HACD2: variants seen among roughly 807,000 people sequenced by gnomAD.
HACD2 encodes very-long-chain (3R)-3-hydroxyacyl-CoA dehydratase 2.
In HACD2, 15 loss-of-function variants were observed where a neutral mutation model predicts 31.0. The observed-to-expected ratio is 0.48, with a 90% CI of 0.32 to 0.75. The LOEUF (loss-of-function observed/expected upper bound fraction) is 0.75. Ranked by LOEUF, HACD2 falls within the 30% of genes least tolerant of loss-of-function variation. The probability of loss-of-function intolerance (pLI) is 0.03; values close to 1 mark genes in which losing one functional copy is unlikely to be tolerated. For missense variants in HACD2, 283 were observed against 313.0 expected, an observed-to-expected ratio of 0.90 and a Z score of 0.72; for synonymous variants, 115 against 122.2, an observed-to-expected ratio of 0.94 and a Z score of 0.39.
intron 2 of HACD2, among the ~76,000 whole-genome samples, chr3:123,572,687 T>C (rs1203089690): frequency 6.6e-6 from 1 of 152,292 alleles, no homozygotes; most frequent in South Asian, 2.1e-4. Context: ...CTAGGGGAAT[T>C]ATTTTTGTAG....
Position 123,563,638 on chromosome 3 carries a change from TATATATACACACACAC to T in HACD2, c.292+4108_292+4123del, listed in dbSNP as rs1359880895. ...CTTCTTTTTTGAATTGACAAAAAAA[TATATATACACACACAC>T]ACACACACACACACACACACACACA... On this transcript the variant is annotated intron_variant, in intron 3 of 6. Coordinates refer to ENST00000383657, the MANE Select transcript of HACD2 (RefSeq NM_198402.5). Among the ~76,000 whole-genome samples the T allele has an allele frequency of 6.5e-5, 5 of 76,702 alleles. No individual in the cohort carries two copies. The South Asian group carries it at 1.4e-3, about 21-fold the overall frequency. 50.3% of individuals were successfully genotyped at this position (76,702 alleles called of 152,430 possible). A position where few individuals can be genotyped will look rare whatever the true frequency, so the allele number is the denominator to read the frequency against.
intron 3 of HACD2, among the ~76,000 whole-genome samples, chr3:123,559,896 G>A (rs992336578): frequency 4.6e-5 from 7 of 152,166 alleles, no homozygotes; most frequent in African/African-American, 1.7e-4. Context: ...AAAGTGCGAG[G>A]TACCAGGTGG....
At chr3:123,522,764 G>A (rs1299628349) in intron 4 of HACD2, among the ~76,000 whole-genome samples, 1 of 152,010 alleles carries the variant, frequency 6.6e-6, no homozygotes, top group East Asian at 1.9e-4. Flanking sequence ...AAATGGAGTA[G>A]GGTGGAGGAT....
chr3:123,495,063 T>C (rs991986906), intron 6 of HACD2, 93 bp from the exon 7 acceptor site: 90 of 755,366 alleles, frequency 1.2e-4, no homozygotes, highest in Non-Finnish European at 1.7e-4. Flanking sequence ...TCTGACCCTC[T>C]GACTAATTTC....
intron 2 of HACD2, among the ~76,000 whole-genome samples, chr3:123,578,414 G>T (rs2056930861): frequency 6.6e-6 from 1 of 152,142 alleles, no homozygotes; most frequent in Admixed American, 6.5e-5. Context: ...GGGACTACAG[G>T]CATGTGCTAC....
At chr3:123,570,149 C>T (rs909726169) in intron 2 of HACD2, among the ~76,000 whole-genome samples, 11 of 152,150 alleles carry the variant, frequency 7.2e-5, no homozygotes, top group Admixed American at 3.3e-4. Flanking sequence ...TGCACTCTCC[C>T]CTTTTTAATC....
intron 3 of HACD2, among the ~76,000 whole-genome samples, chr3:123,549,541 A>C (rs960494853): frequency 6.6e-6 from 1 of 152,146 alleles, no homozygotes; most frequent in Non-Finnish European, 1.5e-5. Flanking sequence ...TGAGCTCAGG[A>C]GTTTGAGACC....
At chr3:123,527,011 AT>A (rs1279347002) in intron 4 of HACD2, among the ~76,000 whole-genome samples, 1 of 152,228 alleles carries the variant, frequency 6.6e-6, no homozygotes, top group African/African-American at 2.4e-5. Context: ...TGGACAATTA[AT>A]ATTTGACTAT....
chr3:123,573,993 C>T (rs181549643), intron 2 of HACD2, among the ~76,000 whole-genome samples: 1 of 152,286 alleles, frequency 6.6e-6, no homozygotes, highest in African/African-American at 2.4e-5. Context: ...GTATTCACTG[C>T]ACATAATGAA....
intron 1 of HACD2, chr3:123,584,264 ATT>A (rs1208049788): frequency 6.6e-6 from 1 of 152,236 alleles, no homozygotes; most frequent in Non-Finnish European, 1.5e-5. Context: ...TCGAGGGTCC[ATT>A]CTCCCCCTTT....
At position 123,491,913 on chromosome 3, in the gene HACD2, TTGCA is replaced by T. The variant is rs1245548146; in HGVS notation, c.*2971_*2974del. 1 of 152,284 alleles carries T rather than the reference TTGCA, an allele frequency of 6.6e-6. No homozygotes were observed. Among genetic ancestry groups the T allele is most frequent in the African/African-American group, 2.4e-5 (1 of 41,442 alleles). The allele number at this position is 152,284 out of a possible 1,614,324, so 9.4% of individuals were successfully genotyped here. On this transcript the variant is annotated 3_prime_UTR_variant, in exon 7 of 7. Transcript: ENST00000383657. The stretch of plus-strand genomic sequence containing the variant: ...TCTGAAACTCAGAACTGCAAGTAAT[TTGCA>T]GGTTGTACCATATCAATGCCAACCT...
At chr3:123,543,416 G>T (rs1178766011) in intron 3 of HACD2, among the ~76,000 whole-genome samples, 1 of 149,176 alleles carries the variant, frequency 6.7e-6, no homozygotes, top group Non-Finnish European at 1.5e-5. Context: ...TCAAGGGAAA[G>T]AATCAAAGTA....
chr3:123,537,610 C>CACAT (rs756361560), intron 3 of HACD2, among the ~76,000 whole-genome samples: 1 of 150,614 alleles, frequency 6.6e-6, no homozygotes, highest in Non-Finnish European at 1.5e-5. Flanking sequence ...CACACACACA[C>CACAT]GGTAAAAAAA....
intron 2 of HACD2, among the ~76,000 whole-genome samples, chr3:123,576,567 A>C (rs944133637): frequency 6.6e-6 from 1 of 152,176 alleles, no homozygotes. Context: ...TCTTTTAGAG[A>C]TGTGTTTCCT....
intron 4 of HACD2, among the ~76,000 whole-genome samples, chr3:123,510,989 T>C (rs751934578): frequency 4.8e-4 from 72 of 150,880 alleles, no homozygotes; most frequent in Non-Finnish European, 7.8e-4. Flanking sequence ...TCCTAATGAG[T>C]GTAAAGTGGT....
In HACD2 at chr3:123,510,943, T is replaced by G. The variant is rs199943975; in HGVS notation, c.382-8262A>C. ...TGCTCATTTGCTGTGTTTTTTTTTT[T>G]TGTTTTTTTTTGTTTTTTTTTTTAA... On this transcript the variant is annotated intron_variant, in intron 4 of 6. Transcript: ENST00000383657. 1.2e-4 allele frequency among the ~76,000 whole-genome samples: 17 copies of G among 143,802 alleles called. No individual in the cohort carries two copies. In the East Asian group the frequency reaches 2.2e-3, roughly 18 times the overall value. 94.3% of individuals were successfully genotyped at this position (143,802 alleles called of 152,430 possible).
chr3:123,512,262 G>T (rs1391867864), intron 4 of HACD2, among the ~76,000 whole-genome samples: 1 of 151,994 alleles, frequency 6.6e-6, no homozygotes, highest in African/African-American at 2.4e-5. Context: ...TACAAAATAT[G>T]ATTTCAATTC....
At chr3:123,499,499 C>A in intron 6 of HACD2, 1 of 394,132 alleles carries the variant, frequency 2.5e-6, no homozygotes, top group Non-Finnish European at 5.1e-6. Flanking sequence ...TAAACACTCA[C>A]ATGAAATCTG....
At chr3:123,546,099 G>A (rs934273749) in intron 3 of HACD2, among the ~76,000 whole-genome samples, 1 of 152,108 alleles carries the variant, frequency 6.6e-6, no homozygotes, top group Admixed American at 6.5e-5. Flanking sequence ...GGACTTTAAT[G>A]GGAGGAAAAC....
Sources: gnomAD v4.1 joint callset for allele counts (sites outside exome capture counted in the v4.1 genomes callset) on GRCh38, gnomAD v4.1.1 for gene constraint, MANE v1.5 for transcripts, NCBI Gene and HGNC (gene_info 2026-07-23, HGNC 2026-07-21) for gene names.